RBFOX1: variants seen among roughly 807,000 people sequenced by gnomAD.
RBFOX1 encodes RNA binding fox-1 homolog 1, also known as RNA binding protein fox-1 homolog 1.
A neutral mutation model predicts 57.7 loss-of-function variants in RBFOX1; 8 were observed. The observed-to-expected ratio is 0.14, with a 90% CI of 0.08 to 0.25. The LOEUF is 0.25. Among genes scored for constraint, RBFOX1 ranks in the 10% least tolerant of loss-of-function variants. The pLI, the probability that RBFOX1 is intolerant of heterozygous loss-of-function variation, is 1.00. For synonymous variants in RBFOX1, 326 were observed against 222.4 expected (o/e 1.47, Z -4.15); for missense variants, 611 against 548.5 (o/e 1.11, Z -1.14).
At chr16:7,614,692 A>G (rs1020711960) in intron 10 of RBFOX1, 1 of 152,196 alleles carries the variant, frequency 6.6e-6, no homozygotes, top group Non-Finnish European at 1.5e-5. Flanking sequence ...TCACAGGGGA[A>G]GTTTTAAGTT....
At chr16:6,412,137 A>ACAAAAAAAC (rs1555461521) in intron 2 of RBFOX1, among the ~76,000 whole-genome samples, 5 of 144,546 alleles carry the variant, frequency 3.5e-5, no homozygotes, top group African/African-American at 7.9e-5. Flanking sequence ...CATGTAAAAA[A>ACAAAAAAAC]AAAAAAACAA....
At chr16:5,421,999 C>G (rs2067343593) in intron 1 of RBFOX1, among the ~76,000 whole-genome samples, 2 of 152,196 alleles carry the variant, frequency 1.3e-5, no homozygotes, top group African/African-American at 4.8e-5. Context: ...TGTCTATACA[C>G]TTGCTCAAAG....
chr16:7,070,902 G>A (rs1230495241), intron 4 of RBFOX1, among the ~76,000 whole-genome samples: 1 of 152,188 alleles, frequency 6.6e-6, no homozygotes, highest in Non-Finnish European at 1.5e-5. Flanking sequence ...TGTTGGGTAG[G>A]TGAAGGGTTC....
At chr16:7,450,117 C>G (rs375707130) in intron 4 of RBFOX1, among the ~76,000 whole-genome samples, 1 of 151,954 alleles carries the variant, frequency 6.6e-6, no homozygotes, top group East Asian at 1.9e-4. Context: ...GAGACTTGGC[C>G]GAATGCGGTG....
intron 2 of RBFOX1, among the ~76,000 whole-genome samples, chr16:6,434,401 C>T (rs760793529): frequency 6.6e-5 from 10 of 152,122 alleles, no homozygotes; most frequent in Non-Finnish European, 1.3e-4. Flanking sequence ...GCCATGAAGG[C>T]TCCTCAGCCT....
At chr16:5,308,615 AAT>A (rs1418996182) in intron 1 of RBFOX1, among the ~76,000 whole-genome samples, 48 of 152,164 alleles carry the variant, frequency 3.2e-4, no homozygotes, top group African/African-American at 1.2e-3. Flanking sequence ...TAAAATAATA[AAT>A]AGAGTTATAT....
At chr16:6,575,657 A>T (rs139354666) in intron 2 of RBFOX1, among the ~76,000 whole-genome samples, 17 of 152,260 alleles carry the variant, frequency 1.1e-4, no homozygotes, top group African/African-American at 3.8e-4. Context: ...CAGGAATTTG[A>T]GACCAGACTG....
chr16:7,420,924 T>TAC (rs1568794236), intron 4 of RBFOX1, among the ~76,000 whole-genome samples: 9 of 146,274 alleles, frequency 6.2e-5, no homozygotes, highest in South Asian at 2.1e-4. Flanking sequence ...TATATATATA[T>TAC]ACACATATAT....
intron 4 of RBFOX1, among the ~76,000 whole-genome samples, chr16:5,964,685 G>C (rs1000384310): frequency 1.3e-5 from 2 of 151,572 alleles, no homozygotes; most frequent in Non-Finnish European, 2.9e-5. Context: ...TTGTGTGTTT[G>C]TGTATATATA....
chr16:7,294,730 C>T (rs1244416957), intron 4 of RBFOX1, among the ~76,000 whole-genome samples: 1 of 151,912 alleles, frequency 6.6e-6, no homozygotes, highest in African/African-American at 2.4e-5. Context: ...AGTAGTTCTT[C>T]ACAAAAGTGC....
At position 5,728,097 on chromosome 16, in the gene RBFOX1, C is replaced by T. The variant is rs9932920; in HGVS notation, c.318+129136C>T. 1.1e-4 allele frequency among the ~76,000 whole-genome samples: 17 copies of T among 152,176 alleles called. No homozygotes were observed. The East Asian group carries it at 2.7e-3, about 24-fold the overall frequency. On this transcript the variant is annotated intron_variant, in intron 3 of 19. Transcript: ENST00000641259. ...TATTTCACTTGATCCAGCAATCCCA[C>T]TTACGAGTGGACATTCAAAAGAAAT...
chr16:6,918,236 T>G (rs543006019), intron 3 of RBFOX1, among the ~76,000 whole-genome samples: 1 of 151,262 alleles, frequency 6.6e-6, no homozygotes, highest in South Asian at 2.1e-4. Flanking sequence ...GAGCTGAGAT[T>G]GTACCATTGC....
intron 3 of RBFOX1, among the ~76,000 whole-genome samples, chr16:7,031,432 C>T (rs1038476389): frequency 2.0e-5 from 3 of 151,876 alleles, no homozygotes; most frequent in Non-Finnish European, 4.4e-5. Flanking sequence ...CCCGTCTCTA[C>T]TAAAAATACA....
intron 4 of RBFOX1, among the ~76,000 whole-genome samples, chr16:7,216,256 A>T (rs2092025917): frequency 6.6e-6 from 1 of 152,188 alleles, no homozygotes; most frequent in South Asian, 2.1e-4. Flanking sequence ...AGTTAAGAAC[A>T]TCGGAAAGTC....
At chr16:6,275,603 T>C (rs555842990) in intron 1 of RBFOX1, among the ~76,000 whole-genome samples, 9 of 152,332 alleles carry the variant, frequency 5.9e-5, no homozygotes, top group East Asian at 3.9e-4. Flanking sequence ...TCTGTACATA[T>C]AGTCCTAAAG....
intron 3 of RBFOX1, among the ~76,000 whole-genome samples, chr16:6,810,559 T>C (rs2088247884): frequency 6.6e-6 from 1 of 152,072 alleles, no homozygotes; most frequent in African/African-American, 2.4e-5. Context: ...AGTTAGCCAG[T>C]TATAGGTTTG....
At chr16:6,299,816 C>T (rs547421137) in intron 1 of RBFOX1, among the ~76,000 whole-genome samples, 1 of 152,300 alleles carries the variant, frequency 6.6e-6, no homozygotes, top group South Asian at 2.1e-4. Flanking sequence ...TGTCGGGGTT[C>T]AGTTTCCTCA....
chr16:6,183,839 C>A (rs997441474), intron 1 of RBFOX1, among the ~76,000 whole-genome samples: 7 of 152,004 alleles, frequency 4.6e-5, no homozygotes, highest in Non-Finnish European at 8.8e-5. Context: ...GGGACTGGAG[C>A]ATGTAGGGCT....
rs555436883 is a variant in RBFOX1 at position 5,251,904 on chromosome 16, AAAG to A, written c.219+11806_219+11808del. On this transcript the variant is annotated intron_variant, in intron 1 of 2. Transcript: ENST00000585867. ...GAATTAACTTCAAGTTTAAAAAAAA[AAAG>A]AAGAAGTGGGGCTCCTAATAGGTCC... is the stretch of plus-strand genomic sequence containing the variant. 5.5e-3 allele frequency among the ~76,000 whole-genome samples: 845 copies of A among 152,294 alleles called. 6 individuals carry two copies. The highest frequency in any genetic ancestry group is 0.019 in the African/African-American group (797 of 41,542).
Sources: gnomAD v4.1 joint callset for allele counts (sites outside exome capture counted in the v4.1 genomes callset) on GRCh38, gnomAD v4.1.1 for gene constraint, MANE v1.5 for transcripts, NCBI Gene and HGNC (gene_info 2026-07-23, HGNC 2026-07-21) for gene names.